FNDC3B: variants seen among roughly 807,000 people sequenced by gnomAD.
The protein encoded by FNDC3B is fibronectin type III domain containing 3B, also known as fibronectin type III domain-containing protein 3B.
FNDC3B carries 12 observed loss-of-function variants against 151.5 expected under a neutral mutation model. The ratio of observed to expected loss-of-function variants is 0.08; its 90% confidence interval spans 0.05 to 0.13. The LOEUF (loss-of-function observed/expected upper bound fraction) is 0.13. Ranked by LOEUF, FNDC3B falls within the 10% of genes least tolerant of loss-of-function variation. FNDC3B has a pLI of 1.00. For missense variants in FNDC3B, 1,214 were observed against 1,505.3 expected (o/e 0.81, Z 3.20); for synonymous variants, 528 against 549.0 (o/e 0.96, Z 0.54).
chr3:172,195,097 A>C (rs1036133127), intron 3 of FNDC3B, among the ~76,000 whole-genome samples: 31 of 152,206 alleles, frequency 2.0e-4, no homozygotes, highest in Middle Eastern at 3.2e-3. Context: ...CATGACCTTT[A>C]GTTATTTTAA....
intron 25 of FNDC3B, among the ~76,000 whole-genome samples, chr3:172,386,966 C>CT (rs1334924713): frequency 6.6e-6 from 1 of 151,364 alleles, no homozygotes; most frequent in East Asian, 2.0e-4. Flanking sequence ...TTGGAGCCTC[C>CT]TTTTTTTTGA....
At position 172,335,045 on chromosome 3, in the gene FNDC3B, A is replaced by G; in HGVS notation, c.1743A>G (p.Lys581=). ...GACCTCCTACCAGACCGCTTGTCAA[A>G]GGCCCAGTTACATCTCATGGCTTTA... The part of the protein sequence containing the change: ...RPGPPTRPLV[K]GPVTSHGFSV... Residue 581 remains lysine, a synonymous_variant, in exon 15 of 26, where the codon AAA becomes AAG. Coordinates refer to ENST00000415807, the MANE Select transcript of FNDC3B (RefSeq NM_022763.4). The G allele has an allele frequency of 6.2e-7, 1 of 1,612,690 alleles. No individual in the cohort carries two copies. Among genetic ancestry groups the G allele is most frequent in the African/African-American group, 1.3e-5 (1 of 74,852 alleles).
intron 4 of FNDC3B, chr3:172,227,351 A>G (rs7638177): frequency 0.12 from 18,140 of 154,816 alleles, 1,356 homozygotes; most frequent in East Asian, 0.31. Context: ...TTACAGAAGG[A>G]AAAAAATGGA....
chr3:172,301,279 TTAA>T (rs534842822), intron 9 of FNDC3B, among the ~76,000 whole-genome samples: 11 of 152,258 alleles, frequency 7.2e-5, no homozygotes, highest in Non-Finnish European at 1.6e-4. Context: ...TAAAAAGGAC[TTAA>T]TGATGCAAGT....
intron 3 of FNDC3B, among the ~76,000 whole-genome samples, chr3:172,207,586 G>A (rs1173591317): frequency 6.6e-6 from 1 of 152,302 alleles, no homozygotes; most frequent in African/African-American, 2.4e-5. Flanking sequence ...CAGGTGTGCT[G>A]ATTGGTCCAT....
At chr3:172,371,820 G>A (rs766694628) in intron 23 of FNDC3B, among the ~76,000 whole-genome samples, 5 of 152,186 alleles carry the variant, frequency 3.3e-5, no homozygotes, top group Admixed American at 2.6e-4. Context: ...CTCATGGAGT[G>A]AAAATGAGAG....
chr3:172,281,215 A>ATTTATTTATTTATT (rs144555553), intron 6 of FNDC3B, among the ~76,000 whole-genome samples: 1 of 132,466 alleles, frequency 7.5e-6, no homozygotes, highest in African/African-American at 2.8e-5. Context: ...ATTATTATTT[A>ATTTATTTATTTATT]TATTTATTTA....
At chr3:172,126,757 G>A (rs1199574865) in intron 2 of FNDC3B, among the ~76,000 whole-genome samples, 1 of 152,184 alleles carries the variant, frequency 6.6e-6, no homozygotes, top group Non-Finnish European at 1.5e-5. Flanking sequence ...GCCGGAGAGG[G>A]TCCTTTCCTG....
At chr3:172,199,373 G>T in intron 3 of FNDC3B, among the ~76,000 whole-genome samples, 1 of 149,676 alleles carries the variant, frequency 6.7e-6, no homozygotes, top group African/African-American at 2.5e-5. Context: ...TAGAGACGGG[G>T]TTTCACCGTG....
chr3:172,181,591 G>A (rs1414812122), intron 3 of FNDC3B, among the ~76,000 whole-genome samples: 1 of 151,810 alleles, frequency 6.6e-6, no homozygotes, highest in East Asian at 1.9e-4. Flanking sequence ...GGCACTTTGG[G>A]AAGCCTAGGT....
intron 22 of FNDC3B, among the ~76,000 whole-genome samples, chr3:172,359,330 G>T (rs181754878): frequency 6.6e-6 from 1 of 152,014 alleles, no homozygotes; most frequent in East Asian, 1.9e-4. Flanking sequence ...TTTCTTTTGT[G>T]TATTAAAGTA....
At chr3:172,229,084 AACACACACACACACACACACACAC>A (rs760446690) in intron 4 of FNDC3B, among the ~76,000 whole-genome samples, 6 of 117,858 alleles carry the variant, frequency 5.1e-5, no homozygotes, top group South Asian at 3.3e-4. Flanking sequence ...GAAAGAAAGA[AACACACACACACACACACACACAC>A]ACACACACAC....
intron 9 of FNDC3B, chr3:172,302,456 C>G (rs1560066664): frequency 2.6e-5 from 4 of 152,222 alleles, no homozygotes; most frequent in African/African-American, 7.2e-5. Flanking sequence ...GCCATTTGAG[C>G]CAGATTCCAC....
At chr3:172,179,046 A>G (rs1723749916) in intron 3 of FNDC3B, among the ~76,000 whole-genome samples, 1 of 152,030 alleles carries the variant, frequency 6.6e-6, no homozygotes, top group Admixed American at 6.6e-5. Flanking sequence ...GGGCCCCTTT[A>G]TCTTATTTAT....
At chr3:172,353,609 A>G (rs1355315533) in intron 22 of FNDC3B, among the ~76,000 whole-genome samples, 1 of 152,196 alleles carries the variant, frequency 6.6e-6, no homozygotes, top group Non-Finnish European at 1.5e-5. Flanking sequence ...TACTAATTAA[A>G]TGCCAGGTAA....
intron 6 of FNDC3B, among the ~76,000 whole-genome samples, chr3:172,252,713 G>A (rs1262764892): frequency 6.6e-6 from 1 of 152,106 alleles, no homozygotes; most frequent in Non-Finnish European, 1.5e-5. Context: ...CAGCCTGAGA[G>A]AGGAATAGTA....
chr3:172,075,814 C>T (rs1717982508), intron 1 of FNDC3B, among the ~76,000 whole-genome samples: 1 of 151,602 alleles, frequency 6.6e-6, no homozygotes, highest in African/African-American at 2.4e-5. Flanking sequence ...CAAATCAATA[C>T]TTGCCTTTTT....
intron 6 of FNDC3B, among the ~76,000 whole-genome samples, chr3:172,265,924 C>T (rs532357281): frequency 2.0e-5 from 3 of 152,222 alleles, no homozygotes; most frequent in African/African-American, 7.2e-5. Context: ...TTTTAATGCA[C>T]AAGATGGGAA....
chr3:172,380,878 C>T, intron 24 of FNDC3B, 88 bp from the exon 25 acceptor site: 1 of 1,453,432 alleles, frequency 6.9e-7, no homozygotes, highest in Non-Finnish European at 9.5e-7. Context: ...ATCTTGCTCT[C>T]TCTGGGTTCT....
Sources: allele counts gnomAD v4.1 joint callset (sites outside exome capture counted in the v4.1 genomes callset), GRCh38; gene constraint gnomAD v4.1.1; transcripts MANE v1.5; gene names NCBI Gene and HGNC (gene_info 2026-07-23, HGNC 2026-07-21).